The following ATP10B variants were observed in gnomAD, a reference collection of about 807,000 sequenced individuals.
The protein encoded by ATP10B is ATPase phospholipid transporting 10B (putative), also known as phospholipid-transporting ATPase VB.
A neutral mutation model predicts 141.2 loss-of-function variants in ATP10B; 122 were observed. The observed-to-expected ratio is 0.86, with a 90% confidence interval of 0.75 to 1.00. The LOEUF is 1.00. Among genes scored for constraint, ATP10B ranks in the 50% least tolerant of loss-of-function variants. ATP10B has a pLI of 0.00. For missense variants in ATP10B, 1,876 were observed against 1,825.3 expected (o/e 1.03, Z -0.51); for synonymous variants, 685 against 692.0 (o/e 0.99, Z 0.16).
chr5:160,671,797 G>A (rs1762720401), intron 6 of ATP10B, among the ~76,000 whole-genome samples: 1 of 147,372 alleles, frequency 6.8e-6, no homozygotes, highest in Non-Finnish European at 1.5e-5. Context: ...TGAGGTAATT[G>A]GGGGTCAAAA....
intron 7 of ATP10B, among the ~76,000 whole-genome samples, chr5:160,658,934 C>A (rs548406667): frequency 1.3e-5 from 2 of 152,238 alleles, no homozygotes; most frequent in African/African-American, 4.8e-5. Flanking sequence ...TCACATGTAA[C>A]CAAGAGTCTT....
rs544882327 is a variant in ATP10B, at chr5:160,581,971, C to A, written c.3750+7621G>T. Among the ~76,000 whole-genome samples, 74 of 152,060 alleles carry A rather than the reference C, an allele frequency of 4.9e-4. 1 individual carries two copies. The highest frequency in any genetic ancestry group is 4.8e-3 in the Admixed American group (74 of 15,266). On this transcript the variant is annotated intron_variant, in intron 24 of 25. Transcript: ENST00000327245. ...TTTTATCAGAGACTAGGATTGCAAC[C>A]CTGCTTTTTTTTGTTTTCCATTTGC... is the stretch of plus-strand genomic sequence containing the variant.
intron 2 of ATP10B, among the ~76,000 whole-genome samples, chr5:160,781,560 A>G (rs748035516): frequency 6.6e-6 from 1 of 152,180 alleles, no homozygotes; most frequent in Non-Finnish European, 1.5e-5. Context: ...AAGATCCTGA[A>G]TGATATGATA....
rs144043878 is a variant in ATP10B, at chr5:160,624,047, C to T, written c.1621-1462G>A. Among the ~76,000 whole-genome samples, 1,266 of 152,310 alleles carry T rather than the reference C, an allele frequency of 8.3e-3. 10 individuals are homozygous for T. The highest frequency in any genetic ancestry group is 0.013 in the Non-Finnish European group (863 of 68,022). ...AAAGCCATTTTGCACAATGCTTTCA[C>T]ATAAGACCATTCCTATCAGTGTTCT... On this transcript the variant is annotated intron_variant, in intron 13 of 25. Transcript: ENST00000327245.
At chr5:160,811,982 G>C (rs1438534693) in intron 1 of ATP10B, among the ~76,000 whole-genome samples, 1 of 151,140 alleles carries the variant, frequency 6.6e-6, no homozygotes, top group Non-Finnish European at 1.5e-5. Context: ...CCCAGCTCCA[G>C]ACAGCTCTGA....
intron 2 of ATP10B, among the ~76,000 whole-genome samples, chr5:160,733,665 T>TGTAACACA (rs1561799267): frequency 2.0e-5 from 3 of 148,460 alleles, no homozygotes; most frequent in African/African-American, 5.0e-5. Context: ...ATATGTAACG[T>TGTAACACA]TATATATATA....
At chr5:160,886,080 A>C in the ATP10B span, among the ~76,000 whole-genome samples, 4 of 152,246 alleles carry the variant, frequency 2.6e-5, 1 homozygote, top group Non-Finnish European at 5.9e-5. Context: ...AGCACCTACC[A>C]GGAAACAGAC....
intron 2 of ATP10B, among the ~76,000 whole-genome samples, chr5:160,754,201 TA>T (rs778490828): frequency 7.2e-5 from 11 of 152,184 alleles, no homozygotes; most frequent in Non-Finnish European, 1.5e-4. Context: ...AAGCTGTTGT[TA>T]AAATATAATA....
At chr5:160,614,129 T>C (rs372602185) in intron 17 of ATP10B, 1 of 152,162 alleles carries the variant, frequency 6.6e-6, no homozygotes, top group East Asian at 1.9e-4. Context: ...TCCTGAAATG[T>C]GCCTGTTTTG....
chr5:160,818,034 A>G (rs1773802272), intron 1 of ATP10B, among the ~76,000 whole-genome samples: 1 of 152,240 alleles, frequency 6.6e-6, no homozygotes, highest in South Asian at 2.1e-4. Context: ...TAGACTTAAA[A>G]CCATAAAAAC....
chr5:160,838,737 A>G (rs1209967256), intron 1 of ATP10B, among the ~76,000 whole-genome samples: 1 of 152,134 alleles, frequency 6.6e-6, no homozygotes, highest in Non-Finnish European at 1.5e-5. Flanking sequence ...TTGATGATGA[A>G]ATGAAATGAA....
At chr5:160,639,290 C>A (rs1759647571) in intron 10 of ATP10B, 1 of 152,196 alleles carries the variant, frequency 6.6e-6, no homozygotes, top group African/African-American at 2.4e-5. Flanking sequence ...TGAATAATAC[C>A]CCCTCTCTCC....
the ATP10B span, among the ~76,000 whole-genome samples, chr5:160,923,930 G>A: frequency 6.6e-6 from 1 of 152,298 alleles, no homozygotes; most frequent in African/African-American, 2.4e-5. Flanking sequence ...AAAAGGATGG[G>A]GCTGAGGCGC....
At chr5:160,575,562 C>T (rs1339944035) in intron 24 of ATP10B, among the ~76,000 whole-genome samples, 6 of 151,952 alleles carry the variant, frequency 3.9e-5, no homozygotes, top group Admixed American at 1.3e-4. Context: ...CCTCAATTTC[C>T]ATATCTGTAA....
At chr5:160,812,022 G>GAGAC (rs796329889) in intron 1 of ATP10B, among the ~76,000 whole-genome samples, 187 of 8,232 alleles carry the variant, frequency 0.023, no homozygotes, top group South Asian at 0.21. Flanking sequence ...GACAGAGACA[G>GAGAC]AGAGAGAGAG....
At chr5:160,851,367 CTTTTTTA>C (rs765559614) in intron 1 of ATP10B, among the ~76,000 whole-genome samples, 2 of 152,026 alleles carry the variant, frequency 1.3e-5, no homozygotes, top group Non-Finnish European at 2.9e-5. Flanking sequence ...ATGCATGGGG[CTTTTTTA>C]TTTTTTTTCT....
At chr5:160,623,024 G>A (rs192046392) in intron 13 of ATP10B, among the ~76,000 whole-genome samples, 6 of 152,172 alleles carry the variant, frequency 3.9e-5, no homozygotes, top group East Asian at 1.9e-4. Flanking sequence ...CATTGTTAGC[G>A]TGATCAATTA....
chr5:160,750,047 A>T (rs1768052030), intron 2 of ATP10B, among the ~76,000 whole-genome samples: 1 of 152,218 alleles, frequency 6.6e-6, no homozygotes, highest in Admixed American at 6.5e-5. Context: ...GGCAGGTAGC[A>T]GTAATGAAAG....
intron 2 of ATP10B, among the ~76,000 whole-genome samples, chr5:160,736,248 G>T (rs990565413): frequency 6.6e-6 from 1 of 151,980 alleles, no homozygotes; most frequent in Admixed American, 6.6e-5. Context: ...AAAAAGAGAA[G>T]ATCCAAATAA....
Sources: allele counts gnomAD v4.1 joint callset (sites outside exome capture counted in the v4.1 genomes callset), GRCh38; gene constraint gnomAD v4.1.1; transcripts MANE v1.5; gene names NCBI Gene and HGNC (gene_info 2026-07-23, HGNC 2026-07-21).